RALGPS2: variants seen among roughly 807,000 people sequenced by gnomAD.
RALGPS2 encodes ras-specific guanine nucleotide-releasing factor RalGPS2.
Under a neutral mutation model 86.8 loss-of-function variants are expected in RALGPS2, and 43 were observed. The observed-to-expected ratio is 0.50, with a 90% CI of 0.39 to 0.64. The LOEUF is 0.64. Ranked by LOEUF, RALGPS2 falls within the 30% of genes least tolerant of loss-of-function variation. The pLI, the probability that RALGPS2 is intolerant of heterozygous loss-of-function variation, is 0.00. For synonymous variants in RALGPS2, 243 were observed against 231.3 expected (o/e 1.05, Z -0.46); for missense variants, 536 against 694.6 (o/e 0.77, Z 2.57).
chr1:178,876,986 G>A (rs1353738359), intron 8 of RALGPS2, among the ~76,000 whole-genome samples: 1 of 152,096 alleles, frequency 6.6e-6, no homozygotes, highest in Non-Finnish European at 1.5e-5. Context: ...ATCAACTCAA[G>A]GCAAGAGAGT....
At chr1:178,839,703 GAC>G (rs1656480698) in intron 8 of RALGPS2, among the ~76,000 whole-genome samples, 1 of 152,134 alleles carries the variant, frequency 6.6e-6, no homozygotes. Context: ...CCAATTAAAA[GAC>G]ACAGACTGGC....
chr1:178,844,977 C>T (rs781169064), intron 8 of RALGPS2, among the ~76,000 whole-genome samples: 23 of 151,864 alleles, frequency 1.5e-4, no homozygotes, highest in Middle Eastern at 3.4e-3. Flanking sequence ...GTCAGGAGTT[C>T]GAGACCAGCC....
At chr1:178,801,369 CAAT>C (rs903998166) in intron 4 of RALGPS2, among the ~76,000 whole-genome samples, 22 of 151,658 alleles carry the variant, frequency 1.5e-4, no homozygotes, top group African/African-American at 5.3e-4. Context: ...TTAATAGTAG[CAAT>C]AATAATAATA....
intron 8 of RALGPS2, among the ~76,000 whole-genome samples, chr1:178,868,805 T>C (rs1236021217): frequency 6.6e-6 from 1 of 151,974 alleles, no homozygotes; most frequent in Non-Finnish European, 1.5e-5. Context: ...ACTAAAAGTT[T>C]AGTTTTTAAA....
At chr1:178,852,937 A>G (rs1558150309) in intron 8 of RALGPS2, 5 of 1,611,532 alleles carry the variant, frequency 3.1e-6, no homozygotes, top group East Asian at 2.2e-5. Flanking sequence ...TTCTCCGTCA[A>G]TGTTTCCAAA....
chr1:178,758,671 T>C (rs540952689), intron 1 of RALGPS2, among the ~76,000 whole-genome samples: 1 of 152,338 alleles, frequency 6.6e-6, no homozygotes, highest in East Asian at 1.9e-4. Context: ...TTTCTGTGTC[T>C]GGCTTATTTC....
At chr1:178,831,447 C>A (rs2102244868) in intron 7 of RALGPS2, among the ~76,000 whole-genome samples, 1 of 152,098 alleles carries the variant, frequency 6.6e-6, no homozygotes, top group South Asian at 2.1e-4. Flanking sequence ...TAGGTTTTCC[C>A]CCAAAACAGA....
chr1:178,885,940 A>C, intron 12 of RALGPS2, 29 bp from the exon 13 acceptor site: 3 of 1,535,010 alleles, frequency 2.0e-6, no homozygotes, highest in African/African-American at 1.4e-5. Flanking sequence ...ACAATAATAA[A>C]AGATATGAAC....
At chr1:178,747,669 A>T (rs1162978220) in intron 1 of RALGPS2, 1 of 1,519,544 alleles carries the variant, frequency 6.6e-7, no homozygotes, top group East Asian at 2.3e-5. Context: ...TTTGCAGTTT[A>T]ACACAACTGT....
chr1:178,759,426 A>G (rs543305311), intron 1 of RALGPS2, among the ~76,000 whole-genome samples: 5 of 151,346 alleles, frequency 3.3e-5, no homozygotes, highest in Admixed American at 6.6e-5. Context: ...GTTCTGTTCA[A>G]TTGGTCTATT....
intron 7 of RALGPS2, among the ~76,000 whole-genome samples, chr1:178,832,555 T>C (rs1417191550): frequency 1.3e-5 from 2 of 152,166 alleles, no homozygotes; most frequent in East Asian, 1.9e-4. Flanking sequence ...TCATACTTTT[T>C]TGTTAATCTC....
Position 178,885,058 on chromosome 1 carries a change from T to C in RALGPS2, c.905-18T>C. 1 of 1,556,272 alleles carries C rather than the reference T, an allele frequency of 6.4e-7. No homozygotes were observed. Among genetic ancestry groups the C allele is most frequent in the Non-Finnish European group, 8.6e-7 (1 of 1,158,562 alleles). On this transcript the variant is annotated intron_variant, in intron 11 of 19. Coordinates refer to ENST00000367635, the MANE Select transcript of RALGPS2 (RefSeq NM_152663.5). ...AATAAAGTAATCATTTGAAAATCTC[T>C]TTAAATTTAACCCTTAGGTCCTGAA...
At chr1:178,819,337 C>T (rs1218317133) in intron 6 of RALGPS2, among the ~76,000 whole-genome samples, 1 of 152,114 alleles carries the variant, frequency 6.6e-6, no homozygotes, top group Non-Finnish European at 1.5e-5. Flanking sequence ...CTGCAAACCT[C>T]CATAAGACCC....
At chr1:178,745,822 CTTT>C (rs34277622) in intron 1 of RALGPS2, among the ~76,000 whole-genome samples, 80 of 86,108 alleles carry the variant, frequency 9.3e-4, no homozygotes, top group African/African-American at 2.9e-3. Flanking sequence ...TTCAATTCTT[CTTT>C]TTTTTTTTTT....
At chr1:178,834,413 A>G (rs2102251276) in intron 8 of RALGPS2, among the ~76,000 whole-genome samples, 1 of 152,350 alleles carries the variant, frequency 6.6e-6, no homozygotes, top group East Asian at 1.9e-4. Flanking sequence ...TGAAGTGTTT[A>G]CAGTCCCAGT....
In RALGPS2 at chr1:178,757,358, C is replaced by G. The variant is rs955926766; in HGVS notation, c.-83-19324C>G. Among the ~76,000 whole-genome samples the G allele has an allele frequency of 5.3e-5, 8 of 152,114 alleles. 1 individual carries two copies. The South Asian group carries it at 1.5e-3, about 28-fold the overall frequency. Reference sequence around the variant, plus strand: ...ACTATGTTAAGTGAGAGTGGGCATCCTTGTCTTGTTCCAGCTCTCAAGGGG... The same window carrying G: ...ACTATGTTAAGTGAGAGTGGGCATCGTTGTCTTGTTCCAGCTCTCAAGGGG... On this transcript the variant is annotated intron_variant, in intron 1 of 19. Coordinates refer to ENST00000367635, the MANE Select transcript of RALGPS2 (RefSeq NM_152663.5).
At chr1:178,834,232 A>C (rs3753536) in intron 8 of RALGPS2, among the ~76,000 whole-genome samples, 1,834 of 152,328 alleles carry the variant, frequency 0.012, 39 homozygotes, top group East Asian at 0.092. Flanking sequence ...AATACATGAT[A>C]CATACCTAGC....
chr1:178,735,927 A>C (rs1413031463), intron 1 of RALGPS2, among the ~76,000 whole-genome samples: 2 of 152,102 alleles, frequency 1.3e-5, no homozygotes, highest in African/African-American at 4.8e-5. Context: ...TGTTTCTTTT[A>C]GATAGTATAA....
At chr1:178,776,525 A>G (rs1374777680) in intron 1 of RALGPS2, among the ~76,000 whole-genome samples, 157 bp from the exon 2 acceptor site, 2 of 152,248 alleles carry the variant, frequency 1.3e-5, no homozygotes, top group East Asian at 3.8e-4. Context: ...AAAAGAGCAT[A>G]CAAGATTGTC....
Sources: gnomAD v4.1 joint callset for allele counts (sites outside exome capture counted in the v4.1 genomes callset) on GRCh38, gnomAD v4.1.1 for gene constraint, MANE v1.5 for transcripts, NCBI Gene and HGNC (gene_info 2026-07-23, HGNC 2026-07-21) for gene names.